The following ZNF821 variants were observed in gnomAD, a reference collection of about 807,000 sequenced individuals.
ZNF821 encodes zinc finger protein 821.
A neutral mutation model predicts 44.3 loss-of-function variants in ZNF821; 16 were observed. The ratio of observed to expected loss-of-function variants is 0.36; its 90% confidence interval spans 0.24 to 0.55. The LOEUF is 0.55. Ranked by LOEUF, ZNF821 falls within the 20% of genes least tolerant of loss-of-function variation. The pLI, the probability that ZNF821 is intolerant of heterozygous loss-of-function variation, is 0.86. For missense variants in ZNF821, 436 were observed against 547.6 expected (o/e 0.80, Z 2.03); for synonymous variants, 204 against 197.6 (o/e 1.03, Z -0.27).
intron 1 of ZNF821, chr16:71,894,024 C>T (rs1567455441): frequency 6.6e-6 from 1 of 152,192 alleles, no homozygotes; most frequent in Non-Finnish European, 1.5e-5. Context: ...AGGTGATCCA[C>T]CTGCCTCAGT....
chr16:71,868,966 C>A (rs1046184007), intron 3 of ZNF821, among the ~76,000 whole-genome samples: 1 of 151,590 alleles, frequency 6.6e-6, no homozygotes, highest in Non-Finnish European at 1.5e-5. Context: ...CTGGCCAGTC[C>A]AGTTTTTTTT....
At chr16:71,883,700 A>G (rs978931275) in intron 1 of ZNF821, 3 of 152,188 alleles carry the variant, frequency 2.0e-5, no homozygotes, top group Non-Finnish European at 1.5e-5. Context: ...CCCGCGCCCG[A>G]GAGCGCCAAG....
At position 71,864,954 on chromosome 16, in the gene ZNF821, C is replaced by T. The variant is rs2034365743; in HGVS notation, c.261G>A (p.Glu87=). The T allele has an allele frequency of 1.2e-6, 2 of 1,614,178 alleles. No homozygotes were observed. The highest frequency in any genetic ancestry group is 1.7e-6 in the Non-Finnish European group (2 of 1,180,032). The part of the protein sequence containing the change: ...EDGGVVKVEK[E]LENTEQPVGG... ...CAACAGGCTGTTCTGTATTTTCTAA[C>T]TCTTTCTCCACTTTGACCACCCCTC... The change falls in exon 5 of 8, where the codon GAG becomes GAA. Residue 87 remains glutamate, a synonymous_variant. Transcript: ENST00000425432.
intron 1 of ZNF821, among the ~76,000 whole-genome samples, chr16:71,890,207 G>C (rs1339506899): frequency 2.0e-5 from 3 of 151,858 alleles, no homozygotes; most frequent in African/African-American, 4.8e-5. Flanking sequence ...GATGTCCAGA[G>C]CAGTTCCTAT....
At chr16:71,871,525 C>T (rs964061704) in intron 3 of ZNF821, among the ~76,000 whole-genome samples, 5 of 152,170 alleles carry the variant, frequency 3.3e-5, no homozygotes, top group African/African-American at 9.7e-5. Context: ...GTCATGTTAA[C>T]TGCCGTATAA....
intron 1 of ZNF821, chr16:71,894,698 CT>C (rs35889170): frequency 0.088 from 38,455 of 439,160 alleles, 1 homozygote; most frequent in Non-Finnish European, 0.1. Context: ...TAATTTTTAA[CT>C]TTTTTTTTTT....
intron 1 of ZNF821, among the ~76,000 whole-genome samples, chr16:71,891,868 G>A (rs533543456): frequency 1.1e-4 from 16 of 151,962 alleles, no homozygotes; most frequent in Admixed American, 7.9e-4. Context: ...GCGTGGTGGT[G>A]CAGGCCTGTA....
chr16:71,891,247 A>G (rs1236367726), intron 1 of ZNF821, among the ~76,000 whole-genome samples: 1 of 152,214 alleles, frequency 6.6e-6, no homozygotes, highest in Non-Finnish European at 1.5e-5. Flanking sequence ...CATTTACACA[A>G]AAAAAGTACC....
At chr16:71,866,845 T>C (rs145797173) in intron 4 of ZNF821, among the ~76,000 whole-genome samples, 1 of 152,320 alleles carries the variant, frequency 6.6e-6, no homozygotes, top group African/African-American at 2.4e-5. Context: ...AACAAGTTCC[T>C]AGAAGGTTGC....
Position 71,860,095 on chromosome 16 carries a change from C to G in ZNF821, c.1162G>C (p.Val388Leu). 2 of 1,614,228 alleles carry G rather than the reference C, an allele frequency of 1.2e-6. No individual in the cohort carries two copies. The highest frequency in any genetic ancestry group is 1.1e-5 in the South Asian group (1 of 91,084). ...AAEMNFFQLP[V>L]SGVELDSQLL... ...TGGCTGTCCAACTCCACCCCACTTACAGGCAGCTGGAAGAAGTTCATTTCA... is the reference window on the plus strand; with the variant it reads ...TGGCTGTCCAACTCCACCCCACTTAGAGGCAGCTGGAAGAAGTTCATTTCA... The change falls in exon 8 of 8, where the codon GTA becomes CTA. Residue 388 changes from valine (V) to leucine (L), a missense_variant. By Grantham distance (32) the Val-to-Leu change is conservative. Around this residue, in one of 5 missense-constraint regions of ZNF821, gnomAD observed 55 missense variants for 56.9 expected, o/e 0.97. Transcript: ENST00000425432. The surrounding 1 kb of genome is among the most constrained non-coding windows in gnomAD (Gnocchi z 7.3).
intron 1 of ZNF821, among the ~76,000 whole-genome samples, chr16:71,892,964 C>G (rs1389459429): frequency 6.7e-6 from 1 of 149,914 alleles, no homozygotes; most frequent in African/African-American, 2.5e-5. Context: ...CTCCTAACCT[C>G]AAGTGATCCA....
At chr16:71,887,416 C>T (rs182022195), upstream of ZNF821, among the ~76,000 whole-genome samples, 8 of 152,074 alleles carry the variant, frequency 5.3e-5, no homozygotes, top group African/African-American at 9.7e-5. Flanking sequence ...CCCGCCACCA[C>T]GCCCGGCTAA....
chr16:71,876,328 C>T (rs890543135), intron 3 of ZNF821, among the ~76,000 whole-genome samples: 6 of 151,882 alleles, frequency 4.0e-5, no homozygotes, highest in African/African-American at 7.3e-5. Flanking sequence ...CTCAGCCTCC[C>T]GAGTAGCTGG....
rs367789792 is a variant in ZNF821 at position 71,875,741 on chromosome 16, C to T, written c.40+4166G>A. ...CCTCCCGAAGTGCTGGGATTACAGG[C>T]GTGAGCCACCACGCCTGGCGCTAAT... On this transcript the variant is annotated intron_variant, in intron 3 of 7. Transcript: ENST00000425432. Among the ~76,000 whole-genome samples, 19 of 152,260 alleles carry T rather than the reference C, an allele frequency of 1.2e-4. 1 individual carries two copies. The highest frequency in any genetic ancestry group is 4.3e-4 in the African/African-American group (18 of 41,566).
chr16:71,862,239 G>A (rs2033982591), intron 6 of ZNF821, among the ~76,000 whole-genome samples: 1 of 152,186 alleles, frequency 6.6e-6, no homozygotes, highest in Non-Finnish European at 1.5e-5. Flanking sequence ...CACTTTGGGA[G>A]GCCGAGGCAG....
At position 71,860,366 on chromosome 16, in the gene ZNF821, G is replaced by A; in HGVS notation, c.891C>T (p.Arg297=). The A allele has an allele frequency of 6.2e-7, 1 of 1,611,722 alleles. No homozygotes were observed. Among genetic ancestry groups the A allele is most frequent in the Non-Finnish European group, 8.5e-7 (1 of 1,180,022 alleles). ...NETPEEREVR[R]MRDREAKRLQ... ...AGCGCTTGGCTTCACGGTCCCTCAT[G>A]CGCCTCACCTCCCGCTCCTCGGGGG... Residue 297 remains arginine (R), a synonymous_variant, in exon 8 of 8, where the codon CGC becomes CGT. Coordinates refer to ENST00000425432, the MANE Select transcript of ZNF821 (RefSeq NM_001201552.2). The surrounding 1 kb of genome is among the most constrained non-coding windows in gnomAD (Gnocchi z 7.3).
At chr16:71,891,800 G>A (rs2036887069) in intron 1 of ZNF821, among the ~76,000 whole-genome samples, 1 of 151,978 alleles carries the variant, frequency 6.6e-6, no homozygotes, top group Admixed American at 6.6e-5. Context: ...ATGAGGTCAG[G>A]GGTTTGAGAC....
Position 71,860,856 on chromosome 16 carries a change from C to CTTTT in ZNF821, c.585-188_585-185dup, listed in dbSNP as rs36005705. Among the ~76,000 whole-genome samples the CTTTT allele has an allele frequency of 7.4e-6, 1 of 135,966 alleles. No individual in the cohort carries two copies. The highest frequency in any genetic ancestry group is 1.6e-5 in the Non-Finnish European group (1 of 63,860). The allele number at this position is 135,966 out of a possible 152,430, so 89.2% of individuals were successfully genotyped here. A position where few individuals can be genotyped will look rare whatever the true frequency, so the allele number is the denominator to read the frequency against. On this transcript the variant is annotated intron_variant, in intron 7 of 7. Coordinates refer to ENST00000425432, the MANE Select transcript of ZNF821 (RefSeq NM_001201552.2). The surrounding 1 kb of genome is among the most constrained non-coding windows in gnomAD (Gnocchi z 7.3). ...TCTTCGCGTGAGAGTTGTCTACCAA[C>CTTTT]TTTTTTTTTTTTTTTTTGAGACAGA...
chr16:71,863,687 G>A (rs1468835827), intron 6 of ZNF821, among the ~76,000 whole-genome samples: 1 of 151,984 alleles, frequency 6.6e-6, no homozygotes, highest in Non-Finnish European at 1.5e-5. Flanking sequence ...ACCACACCTG[G>A]CTTTGGGCTG....
Sources: allele counts gnomAD v4.1 joint callset (sites outside exome capture counted in the v4.1 genomes callset), GRCh38; gene constraint gnomAD v4.1.1; regional missense constraint gnomAD v4.1.1; non-coding constraint Gnocchi (gnomAD v3.1); transcripts MANE v1.5; gene names NCBI Gene and HGNC (gene_info 2026-07-23, HGNC 2026-07-21).